Variants in IGSF11 observed in about 807,000 individuals in gnomAD.
The protein encoded by IGSF11 is CXADR like 1.
In IGSF11, 22 loss-of-function variants were observed where a neutral mutation model predicts 41.0. The observed-to-expected ratio is 0.54, with a 90% CI of 0.38 to 0.77. The LOEUF (loss-of-function observed/expected upper bound fraction) is 0.77, where lower values mean the gene tolerates loss of function less well. Among genes scored for constraint, IGSF11 ranks in the 30% least tolerant of loss-of-function variants. The probability of loss-of-function intolerance (pLI) is 0.00; values close to 1 mark genes in which losing one functional copy is unlikely to be tolerated. For missense variants in IGSF11, 444 were observed against 530.8 expected, an observed-to-expected ratio of 0.84 and a Z score of 1.61; for synonymous variants, 219 against 201.3, an observed-to-expected ratio of 1.09 and a Z score of -0.74.
At chr3:118,904,080 C>A (rs985515328) in intron 6 of IGSF11, among the ~76,000 whole-genome samples, 1 of 152,150 alleles carries the variant, frequency 6.6e-6, no homozygotes, top group Admixed American at 6.6e-5. Context: ...GGAGTCATTA[C>A]AGCATTTTCA....
intron 1 of IGSF11, among the ~76,000 whole-genome samples, chr3:119,122,419 C>G (rs1037175692): frequency 2.0e-5 from 3 of 152,204 alleles, no homozygotes; most frequent in African/African-American, 4.8e-5. Flanking sequence ...GAAAGTCTTG[C>G]CACTGTGGGT....
chr3:119,000,586 A>C (rs1487401214), intron 1 of IGSF11, among the ~76,000 whole-genome samples: 1 of 150,696 alleles, frequency 6.6e-6, no homozygotes, highest in Non-Finnish European at 1.5e-5. Flanking sequence ...AGGTTCTCCC[A>C]TCCAAATATA....
chr3:119,024,087 T>A (rs1471769656), intron 1 of IGSF11, among the ~76,000 whole-genome samples: 1 of 152,120 alleles, frequency 6.6e-6, no homozygotes, highest in Non-Finnish European at 1.5e-5. Flanking sequence ...GAAAGATAAC[T>A]CCCTAAATTC....
At chr3:119,045,142 C>A (rs117691933) in intron 1 of IGSF11, among the ~76,000 whole-genome samples, 3 of 152,254 alleles carry the variant, frequency 2.0e-5, no homozygotes, top group East Asian at 1.9e-4. Context: ...AGGGAGGAGC[C>A]CAGATGGCCA....
At chr3:119,112,393 C>T (rs554471153) in intron 1 of IGSF11, among the ~76,000 whole-genome samples, 9 of 152,282 alleles carry the variant, frequency 5.9e-5, no homozygotes, top group African/African-American at 1.7e-4. Flanking sequence ...TAGGACCCTC[C>T]GAGCCATGTG....
chr3:118,905,501 C>A, intron 5 of IGSF11, 95 bp downstream of exon 5: 6 of 1,329,584 alleles, frequency 4.5e-6, no homozygotes, highest in South Asian at 4.0e-5. Context: ...TTCAGATAAC[C>A]TTAAGACAAT....
At chr3:118,963,255 G>A (rs1398966628) in intron 1 of IGSF11, among the ~76,000 whole-genome samples, 2 of 152,142 alleles carry the variant, frequency 1.3e-5, no homozygotes, top group African/African-American at 4.8e-5. Context: ...TCTTAGGCAT[G>A]CTAAAATTTG....
rs373853610 is a variant in IGSF11, at chr3:119,092,057, A to T, written c.49+13087T>A. On this transcript the variant is annotated intron_variant, in intron 1 of 6. Transcript: ENST00000354673. Reference sequence around the variant, plus strand: ...GGCACAGTCTCACCCTGTCACTCAGATTGCAGTGCAGTGGTGCAATCTCGG... The same window carrying T: ...GGCACAGTCTCACCCTGTCACTCAGTTTGCAGTGCAGTGGTGCAATCTCGG... Among the ~76,000 whole-genome samples, 5 of 149,900 alleles carry T rather than the reference A, an allele frequency of 3.3e-5. No homozygotes were observed. In the East Asian group the frequency reaches 5.8e-4, roughly 17 times the overall value.
chr3:119,105,614 T>C (rs1276454484), upstream of IGSF11, among the ~76,000 whole-genome samples: 1 of 152,202 alleles, frequency 6.6e-6, no homozygotes, highest in African/African-American at 2.4e-5. Flanking sequence ...CAATTTTCTT[T>C]AGTAATTTAA....
At chr3:119,035,083 C>T (rs184137384), upstream of IGSF11, 2 of 153,816 alleles carry the variant, frequency 1.3e-5, no homozygotes, top group African/African-American at 4.8e-5. Flanking sequence ...CCACCAGCTC[C>T]GGGAACCGAG....
intron 4 of IGSF11, among the ~76,000 whole-genome samples, chr3:118,907,736 T>G (rs1939785511): frequency 6.6e-6 from 1 of 152,282 alleles, no homozygotes; most frequent in South Asian, 2.1e-4. Context: ...AGCTATGAAA[T>G]TTGTCCAAGA....
At chr3:119,105,434 T>A (rs2077006790), upstream of IGSF11, among the ~76,000 whole-genome samples, 1 of 152,154 alleles carries the variant, frequency 6.6e-6, no homozygotes, top group South Asian at 2.1e-4. Flanking sequence ...TAGATCTGTA[T>A]GGGATTACCC....
chr3:118,939,005 G>A (rs751489144), intron 1 of IGSF11, among the ~76,000 whole-genome samples: 27 of 152,150 alleles, frequency 1.8e-4, no homozygotes, highest in Non-Finnish European at 2.6e-4. Context: ...ACTGCAACAC[G>A]TCTCAATCAT....
intron 1 of IGSF11, among the ~76,000 whole-genome samples, chr3:119,125,021 A>T (rs914722481): frequency 6.6e-6 from 1 of 152,208 alleles, no homozygotes; most frequent in African/African-American, 2.4e-5. Flanking sequence ...TAAAATGCCA[A>T]AGGAAAAAAA....
At chr3:118,923,039 G>A (rs1379014456) in intron 4 of IGSF11, among the ~76,000 whole-genome samples, 1 of 152,080 alleles carries the variant, frequency 6.6e-6, no homozygotes, top group South Asian at 2.1e-4. Flanking sequence ...TGATACTCAG[G>A]TATAAAACTC....
In IGSF11 at chr3:119,097,128, C is replaced by T. The variant is rs144045060; in HGVS notation, c.49+8016G>A. ...TTAATTTCATCTACAACCTTAATTT[C>T]CTTTGGCCATGTAACGACATTTACA... On this transcript the variant is annotated intron_variant, in intron 1 of 6. Transcript: ENST00000354673. 7.9e-5 allele frequency among the ~76,000 whole-genome samples: 12 copies of T among 152,206 alleles called. No individual in the cohort carries two copies. The East Asian group carries it at 2.3e-3, about 29-fold the overall frequency.
At chr3:119,083,126 C>CTTTTTTTTTTTTTT (rs79620142) in intron 1 of IGSF11, among the ~76,000 whole-genome samples, 6 of 129,116 alleles carry the variant, frequency 4.6e-5, no homozygotes, top group African/African-American at 1.2e-4. Context: ...TTTCTTTTTT[C>CTTTTTTTTTTTTTT]TTTTTTTTTT....
chr3:118,928,500 G>A lies in IGSF11; in HGVS notation c.424+9C>T, dbSNP rs1162158012. On this transcript the variant is annotated intron_variant, in intron 3 of 6. Coordinates refer to ENST00000393775, the MANE Select transcript of IGSF11 (RefSeq NM_001015887.3). ...AGCCCGAACAGCCAAGGACTCTTGTGTCACTCACCTAACACTGTGAGACCG... is the reference window on the plus strand; with the variant it reads ...AGCCCGAACAGCCAAGGACTCTTGTATCACTCACCTAACACTGTGAGACCG... 1.4e-5 allele frequency: 23 copies of A among 1,609,102 alleles called. No individual in the cohort carries two copies. The East Asian group carries it at 4.9e-4, about 34-fold the overall frequency.
chr3:119,101,473 C>G (rs1484059825), intron 1 of IGSF11, among the ~76,000 whole-genome samples: 1 of 152,098 alleles, frequency 6.6e-6, no homozygotes, highest in East Asian at 1.9e-4. Flanking sequence ...CATCCCATCC[C>G]GCACTCCAGC....
Sources: allele counts gnomAD v4.1 joint callset (sites outside exome capture counted in the v4.1 genomes callset), GRCh38; gene constraint gnomAD v4.1.1; transcripts MANE v1.5; gene names NCBI Gene and HGNC (gene_info 2026-07-23, HGNC 2026-07-21).